ANP32E: variants seen among roughly 807,000 people sequenced by gnomAD.
ANP32E encodes acidic leucine-rich nuclear phosphoprotein 32 family member E.
ANP32E carries 14 observed loss-of-function variants against 35.3 expected under a neutral mutation model. The ratio of observed to expected loss-of-function variants is 0.40; its 90% CI spans 0.26 to 0.62. The LOEUF is 0.62. ANP32E is among the 20% of genes least tolerant of loss of function. ANP32E has a pLI of 0.45. For missense variants in ANP32E, 198 were observed against 304.4 expected, an observed-to-expected ratio of 0.65 and a Z score of 2.60; for synonymous variants, 89 against 110.4, an observed-to-expected ratio of 0.81 and a Z score of 1.22.
chr1:150,228,686 C>A (rs587667841), intron 4 of ANP32E, among the ~76,000 whole-genome samples: 1 of 114,294 alleles, frequency 8.7e-6, no homozygotes, highest in East Asian at 2.6e-4. Flanking sequence ...GAGCAAAACT[C>A]CCTCTCAACA....
intron 4 of ANP32E, 61 bp from the exon 5 acceptor site, chr1:150,226,856 G>C: frequency 2.0e-6 from 3 of 1,537,068 alleles, no homozygotes; most frequent in Non-Finnish European, 2.6e-6. Context: ...CTAGGATGTT[G>C]ATGCTTTTTA....
chr1:150,234,710 A>G (rs895844277), intron 1 of ANP32E: 1 of 981,136 alleles, frequency 1.0e-6, no homozygotes, highest in Non-Finnish European at 1.2e-6. Flanking sequence ...GGACTCCCCA[A>G]GGAAAAAACG....
intron 6 of ANP32E, among the ~76,000 whole-genome samples, chr1:150,221,583 AGGGAGGGAG>A (rs1648398515): frequency 2.7e-4 from 5 of 18,848 alleles, no homozygotes; most frequent in African/African-American, 2.9e-4. Flanking sequence ...AGTGGGAGGA[AGGGAGGGAG>A]GGAGGGAGGG....
Position 150,236,097 on chromosome 1 carries a change from T to G in ANP32E, c.-311A>C. 2 of 286,130 alleles carry G rather than the reference T, an allele frequency of 7.0e-6. No homozygotes were observed. The highest frequency in any genetic ancestry group is 1.3e-5 in the Non-Finnish European group (2 of 149,384). The allele number at this position is 286,130 out of a possible 1,614,324, so 17.7% of individuals were successfully genotyped here. Reference sequence around the variant, plus strand: ...ACACCCGCAGTTCCTTCCCCTTCAATGGCTGCTCAGAGACTGAGCCTCCAT... The same window carrying G: ...ACACCCGCAGTTCCTTCCCCTTCAAGGGCTGCTCAGAGACTGAGCCTCCAT... On this transcript the variant is annotated 5_prime_UTR_variant, in exon 1 of 7. Transcript: ENST00000583931.
rs1158886155 is a variant in ANP32E at position 150,220,524 on chromosome 1, G to A, written c.*167C>T. The stretch of plus-strand genomic sequence containing the variant: ...TCTACATACAATATGATCATTAACA[G>A]ACTAGTTCTTATTTGGAATGATAAG... On this transcript the variant is annotated 3_prime_UTR_variant, in exon 7 of 7. Transcript: ENST00000583931. The A allele has an allele frequency of 7.9e-6, 5 of 636,942 alleles. No individual in the cohort carries two copies. Among genetic ancestry groups the A allele is most frequent in the African/African-American group, 7.3e-5 (4 of 54,798 alleles). 39.5% of individuals were successfully genotyped at this position (636,942 alleles called of 1,614,324 possible). A position where few individuals can be genotyped will look rare whatever the true frequency, so the allele number is the denominator to read the frequency against.
At chr1:150,221,019 A>G (rs587663723) in intron 6 of ANP32E, among the ~76,000 whole-genome samples, 6 of 148,630 alleles carry the variant, frequency 4.0e-5, no homozygotes, top group African/African-American at 1.2e-4. Context: ...TCCAGAGGCT[A>G]AGGAAGAATT....
intron 3 of ANP32E, among the ~76,000 whole-genome samples, chr1:150,229,569 C>T (rs1187682943): frequency 6.6e-6 from 1 of 152,184 alleles, no homozygotes; most frequent in Non-Finnish European, 1.5e-5. Context: ...ACCTCCGCCT[C>T]CCGGGTTCAA....
intron 6 of ANP32E, 89 bp downstream of exon 6, chr1:150,223,097 C>T: frequency 2.2e-6 from 3 of 1,394,594 alleles, no homozygotes; most frequent in Non-Finnish European, 2.9e-6. Flanking sequence ...TAGGCTCATT[C>T]TTTAAAGTGT....
chr1:150,235,903 A>C lies in ANP32E; in HGVS notation c.-117T>G. On this transcript the variant is annotated 5_prime_UTR_variant, in exon 1 of 7. Transcript: ENST00000583931. This position sits in a 1 kb window ranked among gnomAD's most constrained non-coding sequence, Gnocchi z 4.2. ...TGAATGAAAAGGAACGCAAATATAA[A>C]CGCCCACTACCACCACCAGATAGGT... is the stretch of plus-strand genomic sequence containing the variant. 1.4e-6 allele frequency: 1 copy of C among 691,316 alleles called. No individual in the cohort carries two copies. Among genetic ancestry groups the C allele is most frequent in the Non-Finnish European group, 2.5e-6 (1 of 392,370 alleles). 42.8% of individuals were successfully genotyped at this position (691,316 alleles called of 1,614,324 possible). A position where few individuals can be genotyped will look rare whatever the true frequency, so the allele number is the denominator to read the frequency against.
intron 4 of ANP32E, among the ~76,000 whole-genome samples, chr1:150,227,457 T>C (rs1553840423): frequency 6.6e-6 from 1 of 152,058 alleles, no homozygotes; most frequent in East Asian, 1.9e-4. Context: ...GCAACATAGA[T>C]GCAGCTGGGG....
Position 150,235,461 on chromosome 1 carries a change from C to A in ANP32E, c.54+272G>T, listed in dbSNP as rs1267069552. Reference sequence around the variant, plus strand: ...CCCCCACCAGCCCGCTTCCCGCCCCCACGAGGTCAGGACGCCCGACTCGAT... The same window carrying A: ...CCCCCACCAGCCCGCTTCCCGCCCCAACGAGGTCAGGACGCCCGACTCGAT... On this transcript the variant is annotated intron_variant, in intron 1 of 6. Coordinates refer to ENST00000583931, the MANE Select transcript of ANP32E (RefSeq NM_030920.5). This position sits in a 1 kb window ranked among gnomAD's most constrained non-coding sequence, Gnocchi z 4.2. 6.6e-6 allele frequency among the ~76,000 whole-genome samples: 1 copy of A among 152,252 alleles called. No individual in the cohort carries two copies. Among genetic ancestry groups the A allele is most frequent in the Non-Finnish European group, 1.5e-5 (1 of 68,034 alleles).
chr1:150,227,348 G>C (rs1294775094), intron 4 of ANP32E, among the ~76,000 whole-genome samples: 1 of 152,100 alleles, frequency 6.6e-6, no homozygotes, highest in Admixed American at 6.6e-5. Flanking sequence ...AACCAACCTA[G>C]GTGCCCATCA....
chr1:150,235,928 T>G lies in ANP32E; in HGVS notation c.-142A>C, dbSNP rs1649745961. 1 of 635,186 alleles carries G rather than the reference T, an allele frequency of 1.6e-6. No individual in the cohort carries two copies. The highest frequency in any genetic ancestry group is 2.8e-6 in the Non-Finnish European group (1 of 357,672). The allele number at this position is 635,186 out of a possible 1,614,324, so 39.3% of individuals were successfully genotyped here. On this transcript the variant is annotated 5_prime_UTR_variant, in exon 1 of 7. Transcript: ENST00000583931. The surrounding 1 kb of genome is among the most constrained non-coding windows in gnomAD (Gnocchi z 4.2). ...ACGCCCACTACCACCACCAGATAGG[T>G]GTGGGGGAGAAAGAAGAGAATAGCA...
In ANP32E at chr1:150,220,987, G is replaced by A. The variant is rs587596247; in HGVS notation, c.737-226C>T. 3.3e-5 allele frequency among the ~76,000 whole-genome samples: 5 copies of A among 151,828 alleles called. No individual in the cohort carries two copies. In the South Asian group the frequency reaches 6.3e-4, roughly 19 times the overall value. ...CAAAAAATTAGCCAGGCATGGTGGC[G>A]GGTGCCTGTAATCCCAGCTACTCCA... On this transcript the variant is annotated intron_variant, in intron 6 of 6. Transcript: ENST00000583931.
chr1:150,227,811 TGAA>T (rs147765670), intron 4 of ANP32E, among the ~76,000 whole-genome samples: 13,061 of 146,432 alleles, frequency 0.089, 1,496 homozygotes, highest in Non-Finnish European at 0.13. Flanking sequence ...CTTTTTACGA[TGAA>T]GAAGTTTTCA....
At chr1:150,220,810 G>A in intron 6 of ANP32E, 49 bp from the exon 7 acceptor site, 1 of 1,510,144 alleles carries the variant, frequency 6.6e-7, no homozygotes, top group Non-Finnish European at 9.2e-7. Flanking sequence ...TAACAAATGA[G>A]GATTGGTTAC....
rs1457732118 is a variant in ANP32E, at chr1:150,218,598, A to C, written c.*2093T>G. The C allele has an allele frequency of 6.6e-6, 1 of 152,660 alleles. No individual in the cohort carries two copies. Among genetic ancestry groups the C allele is most frequent in the Admixed American group, 6.5e-5 (1 of 15,274 alleles). 9.5% of individuals were successfully genotyped at this position (152,660 alleles called of 1,614,324 possible). Reference sequence around the variant, plus strand: ...GCTTTATTCAAAACACAGTTGCACAAAAGTATTAACTTCAAAGTTTTTAAG... The same window carrying C: ...GCTTTATTCAAAACACAGTTGCACACAAGTATTAACTTCAAAGTTTTTAAG... On this transcript the variant is annotated 3_prime_UTR_variant, in exon 7 of 7. Transcript: ENST00000583931.
At position 150,230,580 on chromosome 1, in the gene ANP32E, T is replaced by C; in HGVS notation, c.318A>G (p.Val106=). Residue 106 remains valine (V), a synonymous_variant, in exon 3 of 7, where the codon GTA becomes GTG. Coordinates refer to ENST00000583931, the MANE Select transcript of ANP32E (RefSeq NM_030920.5). ...SGNKIKDLST[V]EALQNLKNLK... ...AAACTGTTCCACTTACCAGAGCTTC[T>C]ACTGTACTGAGATCTTTTATTTTGT... The C allele has an allele frequency of 6.2e-7, 1 of 1,610,196 alleles. No individual in the cohort carries two copies. The highest frequency in any genetic ancestry group is 8.5e-7 in the Non-Finnish European group (1 of 1,178,408).
chr1:150,234,566 A>C (rs1553842743), intron 1 of ANP32E: 6 of 984,722 alleles, frequency 6.1e-6, no homozygotes, highest in Non-Finnish European at 7.2e-6. Flanking sequence ...TCAGCTACAG[A>C]CAACTCCCTT....
Sources: gnomAD v4.1 joint callset for allele counts (sites outside exome capture counted in the v4.1 genomes callset) on GRCh38, gnomAD v4.1.1 for gene constraint, Gnocchi (gnomAD v3.1) non-coding constraint, MANE v1.5 for transcripts, NCBI Gene and HGNC (gene_info 2026-07-23, HGNC 2026-07-21) for gene names.